Variants in CASQ1 observed in about 807,000 individuals in gnomAD.
CASQ1 encodes the protein calsequestrin 1.
CASQ1 carries 40 observed loss-of-function variants against 49.5 expected under a neutral mutation model. That is an observed-to-expected ratio of 0.81 (90% confidence interval 0.63 to 1.05). The LOEUF is 1.05. CASQ1 is among the 50% of genes least tolerant of loss of function. The pLI, the probability that CASQ1 is intolerant of heterozygous loss-of-function variation, is 0.00. For synonymous variants in CASQ1, 174 were observed against 187.2 expected (o/e 0.93, Z 0.58); for missense variants, 469 against 486.9 (o/e 0.96, Z 0.35).
chr1:160,198,579 G>T, intron 7 of CASQ1, 98 bp from the exon 8 acceptor site: 2 of 855,742 alleles, frequency 2.3e-6, no homozygotes, highest in Non-Finnish European at 3.8e-6. Context: ...CAAAATTGAG[G>T]TTCAATGAAC....
At chr1:160,196,465 T>C (rs994323490) in intron 6 of CASQ1, among the ~76,000 whole-genome samples, 3 of 151,780 alleles carry the variant, frequency 2.0e-5, no homozygotes, top group Non-Finnish European at 2.9e-5. Context: ...TTGTTCTTTT[T>C]TTCTTCTTCT....
rs1475877360 is a variant in CASQ1 at position 160,199,062 on chromosome 1, C to T, written c.984+9C>T. The stretch of plus-strand genomic sequence containing the variant: ...CTGATGACTTCCCCCTGGTAAGAGG[C>T]ACAGCTCAGGCACTGCTATCTTAAG... On this transcript the variant is annotated intron_variant, in intron 9 of 10. Transcript: ENST00000368078. 6.6e-7 allele frequency: 1 copy of T among 1,514,266 alleles called. No homozygotes were observed. Among genetic ancestry groups the T allele is most frequent in the African/African-American group, 1.4e-5 (1 of 73,038 alleles). 93.8% of individuals were successfully genotyped at this position (1,514,266 alleles called of 1,614,324 possible).
chr1:160,193,211 A>G (rs891182086), intron 2 of CASQ1, among the ~76,000 whole-genome samples: 1 of 151,984 alleles, frequency 6.6e-6, no homozygotes, highest in African/African-American at 2.4e-5. Flanking sequence ...ACCTCTGCAA[A>G]CTCCGCTTCC....
intron 2 of CASQ1, among the ~76,000 whole-genome samples, chr1:160,193,259 C>T (rs1379819650): frequency 6.6e-6 from 1 of 152,116 alleles, no homozygotes; most frequent in African/African-American, 2.4e-5. Flanking sequence ...TTAGAGCAGT[C>T]AGCCACTAGG....
intron 5 of CASQ1, 70 bp from the exon 6 acceptor site, chr1:160,195,827 C>T (rs919475683): frequency 2.0e-6 from 3 of 1,505,242 alleles, no homozygotes; most frequent in Admixed American, 1.8e-5. Flanking sequence ...TATTTGTTCC[C>T]CCATTATACT....
intron 7 of CASQ1, 56 bp downstream of exon 7, chr1:160,197,670 C>A: frequency 7.9e-7 from 1 of 1,262,872 alleles, no homozygotes; most frequent in Non-Finnish European, 1.2e-6. Flanking sequence ...CCAGAAGACT[C>A]AAGTCCTAGA....
intron 9 of CASQ1, 35 bp downstream of exon 9, chr1:160,199,088 G>A (rs1366190762): frequency 1.6e-6 from 2 of 1,271,224 alleles, no homozygotes; most frequent in East Asian, 4.6e-5. Context: ...CTATCTTAAG[G>A]TGGGGCCTTG....
intron 2 of CASQ1, 133 bp downstream of exon 2, chr1:160,193,019 A>C (rs910057674): frequency 1.4e-6 from 1 of 706,634 alleles, no homozygotes; most frequent in Admixed American, 2.4e-5. Flanking sequence ...ATTCTAAAAG[A>C]GGGGGTGAGA....
At chr1:160,194,919 C>T in intron 3 of CASQ1, 93 bp from the exon 4 acceptor site, 4 of 738,828 alleles carry the variant, frequency 5.4e-6, no homozygotes, top group South Asian at 3.5e-5. Context: ...ATCTAGCCCC[C>T]TCCTCCAGTT....
At chr1:160,194,901 C>G in intron 3 of CASQ1, 111 bp from the exon 4 acceptor site, 1 of 648,058 alleles carries the variant, frequency 1.5e-6, no homozygotes, top group Non-Finnish European at 2.7e-6. Flanking sequence ...CACCCACACA[C>G]TGTCAACATC....
chr1:160,197,017 C>T (rs1010143408), intron 6 of CASQ1, among the ~76,000 whole-genome samples: 24 of 152,202 alleles, frequency 1.6e-4, no homozygotes, highest in Non-Finnish European at 2.9e-5. Context: ...GGCAATAGTG[C>T]TGAGGTTGAA....
intron 4 of CASQ1, 82 bp downstream of exon 4, chr1:160,195,205 T>A: frequency 1.1e-6 from 1 of 894,534 alleles, no homozygotes; most frequent in Non-Finnish European, 1.8e-6. Flanking sequence ...TCACCCAGTG[T>A]CTCAGCCTCT....
chr1:160,196,124 A>T, intron 6 of CASQ1, 97 bp downstream of exon 6: 1 of 1,259,496 alleles, frequency 7.9e-7, no homozygotes, highest in Non-Finnish European at 1.1e-6. Flanking sequence ...CCAACCGGGA[A>T]GCCAATCTTG....
At chr1:160,194,149 T>TCC (rs1480958817) in intron 3 of CASQ1, among the ~76,000 whole-genome samples, 8 of 127,242 alleles carry the variant, frequency 6.3e-5, no homozygotes, top group African/African-American at 2.0e-4. Flanking sequence ...ACACACATCA[T>TCC]ATACATACCA....
chr1:160,199,590 C>A (rs927891198), intron 9 of CASQ1, among the ~76,000 whole-genome samples: 1 of 152,174 alleles, frequency 6.6e-6, no homozygotes, highest in South Asian at 2.1e-4. Context: ...AGGATCAGAA[C>A]AGGGTTTCCT....
chr1:160,198,535 A>G (rs912638900), intron 7 of CASQ1, 142 bp from the exon 8 acceptor site: 3 of 630,112 alleles, frequency 4.8e-6, no homozygotes, highest in African/African-American at 1.8e-5. Context: ...CCAAAAAACG[A>G]AAGAATATAT....
intron 9 of CASQ1, 44 bp from the exon 10 acceptor site, chr1:160,199,807 C>T: frequency 3.9e-6 from 5 of 1,297,814 alleles, no homozygotes; most frequent in East Asian, 2.3e-5. Context: ...GATTCATGTG[C>T]TCCCTAGTAT....
At position 160,198,837 on chromosome 1, in the gene CASQ1, G is replaced by C. The variant is rs147766105; in HGVS notation, c.883+106G>C. 4.8e-4 allele frequency: 591 copies of C among 1,235,206 alleles called. 6 individuals carry two copies. In the Middle Eastern group the frequency reaches 6.9e-3, roughly 14 times the overall value. 76.5% of individuals were successfully genotyped at this position (1,235,206 alleles called of 1,614,324 possible). ...AGGCTTTCCTGGGAGTTTGCAAACA[G>C]CCTAGGGCTAGACATGTGAAGCTTG... On this transcript the variant is annotated intron_variant, in intron 8 of 10. Coordinates refer to ENST00000368078, the MANE Select transcript of CASQ1 (RefSeq NM_001231.5).
At chr1:160,191,084 C>A (rs750057121) in intron 1 of CASQ1, 54 bp downstream of exon 1, 131 of 1,576,504 alleles carry the variant, frequency 8.3e-5, no homozygotes, top group Non-Finnish European at 1.1e-4. Flanking sequence ...TCTCCGGAAT[C>A]CCCTATCCTA....
Sources: allele counts gnomAD v4.1 joint callset (sites outside exome capture counted in the v4.1 genomes callset), GRCh38; gene constraint gnomAD v4.1.1; transcripts MANE v1.5; gene names NCBI Gene and HGNC (gene_info 2026-07-23, HGNC 2026-07-21).